Variants in VMP1 observed in about 807,000 individuals in gnomAD.
The protein encoded by VMP1 is vacuole membrane protein 1, also known as ectopic P-granules autophagy protein 3 homolog.
A neutral mutation model predicts 56.0 loss-of-function variants in VMP1; 11 were observed. The ratio of observed to expected loss-of-function variants is 0.20; its 90% CI spans 0.12 to 0.32. VMP1 has a LOEUF of 0.32. VMP1 is among the 10% of genes least tolerant of loss of function. The probability of loss-of-function intolerance (pLI) is 1.00; values close to 1 mark genes in which losing one functional copy is unlikely to be tolerated. For missense variants in VMP1, 296 were observed against 490.3 expected (o/e 0.60, Z 3.74); for synonymous variants, 149 against 165.0 (o/e 0.90, Z 0.74).
At chr17:59,731,810 C>G (rs937783926) in intron 2 of VMP1, among the ~76,000 whole-genome samples, 5 of 152,044 alleles carry the variant, frequency 3.3e-5, no homozygotes, top group Non-Finnish European at 1.5e-5. Context: ...TTTTATTGTG[C>G]TATTTTGTAA....
chr17:59,809,218 A>G (rs1297131981), intron 8 of VMP1, among the ~76,000 whole-genome samples: 2 of 151,232 alleles, frequency 1.3e-5, no homozygotes, highest in African/African-American at 2.4e-5. Context: ...GCTAGTCTCA[A>G]ACTCCTGGGC....
chr17:59,751,777 T>G (rs543545857), intron 5 of VMP1, among the ~76,000 whole-genome samples: 1 of 143,860 alleles, frequency 7.0e-6, no homozygotes, highest in Admixed American at 6.9e-5. Context: ...AAGTCTAACC[T>G]AGGGCTACAG....
rs1311351615 is a variant in VMP1 at position 59,807,018 on chromosome 17, CT to C, written c.715-1777del. Among the ~76,000 whole-genome samples, 148 of 151,970 alleles carry C rather than the reference CT, an allele frequency of 9.7e-4. 3 individuals are homozygous for C. The highest frequency in any genetic ancestry group is 9.6e-3 in the Admixed American group (147 of 15,268). On this transcript the variant is annotated intron_variant, in intron 7 of 11. Transcript: ENST00000262291. ...TTTGCTTTAATTTCAGTATTAACTA[CT>C]GTGGTAATTTGGTAGGTCTATTCTA...
intron 7 of VMP1, among the ~76,000 whole-genome samples, chr17:59,803,133 C>T (rs1231683433): frequency 2.0e-5 from 3 of 152,134 alleles, no homozygotes; most frequent in African/African-American, 7.2e-5. Context: ...AAAGTTACTT[C>T]GTATATTTAC....
chr17:59,765,207 A>C, intron 6 of VMP1, 69 bp downstream of exon 6: 1 of 1,493,888 alleles, frequency 6.7e-7, no homozygotes, highest in Non-Finnish European at 9.0e-7. Context: ...TACCTTATTG[A>C]AATGGAATCT....
intron 10 of VMP1, among the ~76,000 whole-genome samples, chr17:59,820,374 G>T (rs1450900412): frequency 6.6e-6 from 1 of 152,162 alleles, no homozygotes; most frequent in African/African-American, 2.4e-5. Context: ...CATTATAAGA[G>T]ATGTAGCATC....
intron 6 of VMP1, 91 bp from the exon 7 acceptor site, chr17:59,773,663 T>G (rs1369015990): frequency 1.7e-5 from 22 of 1,265,336 alleles, no homozygotes; most frequent in Non-Finnish European, 1.5e-5. Flanking sequence ...CTCAAAATGC[T>G]TCTGGTGATA....
At position 59,835,476 on chromosome 17, in the gene VMP1, T is replaced by A. The variant is rs1356157763; in HGVS notation, c.975-2819T>A. On this transcript the variant is annotated intron_variant, in intron 10 of 11. Transcript: ENST00000262291. ...TGATTTATGAGAAGGAAAGTTCTTATAAATATGCAGTTTTTTGTTTTTTTT... is the reference window on the plus strand; with the variant it reads ...TGATTTATGAGAAGGAAAGTTCTTAAAAATATGCAGTTTTTTGTTTTTTTT... Among the ~76,000 whole-genome samples the A allele has an allele frequency of 2.0e-5, 3 of 150,904 alleles. No individual in the cohort carries two copies. The East Asian group carries it at 5.8e-4, about 29-fold the overall frequency.
At chr17:59,757,859 C>CCTTT (rs776520537) in intron 5 of VMP1, among the ~76,000 whole-genome samples, 8 of 91,290 alleles carry the variant, frequency 8.8e-5, no homozygotes, top group African/African-American at 2.1e-4. Context: ...TTATTTGCCA[C>CCTTT]TTTTTTTTTT....
chr17:59,715,442 C>G (rs186188111), intron 1 of VMP1, among the ~76,000 whole-genome samples: 2 of 152,246 alleles, frequency 1.3e-5, no homozygotes. Flanking sequence ...ACATAACCAT[C>G]AGATCTCGTG....
At chr17:59,772,126 G>T (rs768159549) in intron 6 of VMP1, among the ~76,000 whole-genome samples, 1 of 151,836 alleles carries the variant, frequency 6.6e-6, no homozygotes, top group Non-Finnish European at 1.5e-5. Flanking sequence ...AGGTAGCTGG[G>T]ACTACAGTCA....
intron 1 of VMP1, among the ~76,000 whole-genome samples, chr17:59,715,215 A>G (rs1382309781): frequency 6.6e-6 from 1 of 152,190 alleles, no homozygotes; most frequent in Non-Finnish European, 1.5e-5. Context: ...CATTAAGGCT[A>G]TACATCACTT....
intron 1 of VMP1, among the ~76,000 whole-genome samples, chr17:59,717,805 A>G (rs1423544380): frequency 6.6e-6 from 1 of 152,186 alleles, no homozygotes; most frequent in Non-Finnish European, 1.5e-5. Flanking sequence ...CTGTTATCCC[A>G]ACTACTCCAG....
intron 9 of VMP1, among the ~76,000 whole-genome samples, chr17:59,813,909 CT>C: frequency 6.6e-6 from 1 of 152,162 alleles, no homozygotes; most frequent in East Asian, 1.9e-4. Flanking sequence ...CTTATCAGAC[CT>C]TTCATTTCAG....
At chr17:59,832,608 TTTTGA>T (rs1401446982) in intron 10 of VMP1, among the ~76,000 whole-genome samples, 4 of 133,872 alleles carry the variant, frequency 3.0e-5, no homozygotes. Flanking sequence ...TTTTGTTTTG[TTTTGA>T]GACAGAGTCT....
intron 10 of VMP1, among the ~76,000 whole-genome samples, chr17:59,820,288 T>C (rs1051688849): frequency 1.3e-5 from 2 of 152,184 alleles, no homozygotes; most frequent in Non-Finnish European, 2.9e-5. Context: ...CTTTGCCTAG[T>C]TCAAGATTTC....
chr17:59,832,620 G>T (rs963318254), intron 10 of VMP1, among the ~76,000 whole-genome samples: 1 of 139,374 alleles, frequency 7.2e-6, no homozygotes, highest in African/African-American at 2.8e-5. Flanking sequence ...TTGAGACAGA[G>T]TCTCGCTCTG....
At chr17:59,783,068 C>T (rs574955663) in intron 7 of VMP1, among the ~76,000 whole-genome samples, 2 of 151,998 alleles carry the variant, frequency 1.3e-5, no homozygotes, top group African/African-American at 4.8e-5. Context: ...TGGTGGCGGG[C>T]GCCTCTAGTC....
At chr17:59,838,426 C>G in intron 11 of VMP1, 29 bp downstream of exon 11, 2 of 1,609,404 alleles carry the variant, frequency 1.2e-6, no homozygotes, top group Non-Finnish European at 1.7e-6. Flanking sequence ...TTCTTCTCCC[C>G]TCTGGGAAGT....
Sources: allele counts gnomAD v4.1 joint callset (sites outside exome capture counted in the v4.1 genomes callset), GRCh38; gene constraint gnomAD v4.1.1; transcripts MANE v1.5; gene names NCBI Gene and HGNC (gene_info 2026-07-23, HGNC 2026-07-21).